The following PTPRB variants were observed in gnomAD, a reference collection of about 807,000 sequenced individuals.
The protein encoded by PTPRB is receptor-type tyrosine-protein phosphatase beta.
A neutral mutation model predicts 238.1 loss-of-function variants in PTPRB; 97 were observed. That is an observed-to-expected ratio of 0.41 (90% confidence interval 0.35 to 0.48). PTPRB has a LOEUF of 0.48. Among genes scored for constraint, PTPRB ranks in the 20% least tolerant of loss-of-function variants. PTPRB has a pLI of 0.30. For missense variants in PTPRB, 2,292 were observed against 2,681.9 expected (o/e 0.85, Z 3.21); for synonymous variants, 970 against 995.4 (o/e 0.97, Z 0.48).
intron 20 of PTPRB, among the ~76,000 whole-genome samples, chr12:70,553,633 C>T (rs1877231753): frequency 6.6e-6 from 1 of 152,174 alleles, no homozygotes; most frequent in African/African-American, 2.4e-5. Context: ...TTTGGCACTG[C>T]AAACCAGTTT....
intron 31 of PTPRB, among the ~76,000 whole-genome samples, 153 bp from the exon 32 acceptor site, chr12:70,532,323 C>T (rs1873387875): frequency 7.0e-6 from 1 of 142,520 alleles, no homozygotes; most frequent in Non-Finnish European, 1.5e-5. Context: ...AACCTAGAGT[C>T]CCCCAACCCC....
chr12:70,613,403 C>A (rs1446814689), intron 3 of PTPRB, among the ~76,000 whole-genome samples: 1 of 152,042 alleles, frequency 6.6e-6, no homozygotes, highest in Non-Finnish European at 1.5e-5. Context: ...TTTGGAGGCT[C>A]TGCTCCCCAT....
chr12:70,584,650 T>C (rs552824024), intron 9 of PTPRB, among the ~76,000 whole-genome samples: 7 of 152,244 alleles, frequency 4.6e-5, no homozygotes, highest in Admixed American at 1.3e-4. Flanking sequence ...GGAAAATATC[T>C]TTCAAGACCG....
In PTPRB at chr12:70,590,175, T is replaced by C. The variant is rs781275614; in HGVS notation, c.1839A>G (p.Val613=). The change falls in exon 8 of 34, where the codon GTA becomes GTG. Residue 613 remains valine, a synonymous_variant. Transcript: ENST00000334414. ...CTCCAGCAGGGGGCGACCAGCTCAC[T>C]ACAAGAGACCTCATCCTGCCATTAT... ...ANNNGRMRSL[V]VSWSPPAGDW... 2 of 1,608,044 alleles carry C rather than the reference T, an allele frequency of 1.2e-6. No homozygotes were observed. The highest frequency in any genetic ancestry group is 2.7e-5 in the African/African-American group (2 of 74,776).
intron 27 of PTPRB, 90 bp downstream of exon 27, chr12:70,538,829 CTATAT>C (rs1485186522): frequency 2.1e-6 from 2 of 968,588 alleles, no homozygotes; most frequent in East Asian, 2.6e-5. Flanking sequence ...CCATATCGAG[CTATAT>C]TATATTTCTT....
At chr12:70,597,942 C>T (rs993938313) in intron 4 of PTPRB, among the ~76,000 whole-genome samples, 2 of 152,130 alleles carry the variant, frequency 1.3e-5, no homozygotes, top group Non-Finnish European at 2.9e-5. Context: ...ATGCTAAGTA[C>T]ATCATATTGC....
chr12:70,545,594 CAG>C (rs1285263671), intron 21 of PTPRB, among the ~76,000 whole-genome samples: 8 of 152,064 alleles, frequency 5.3e-5, no homozygotes, highest in Non-Finnish European at 7.3e-5. Flanking sequence ...ATGGAGGAAA[CAG>C]TGTGTGTGGG....
rs567855836 is a variant in PTPRB, at chr12:70,520,470, T to G, written c.*1019A>C. 2.5e-5 allele frequency: 5 copies of G among 196,450 alleles called. No homozygotes were observed. In the East Asian group the frequency reaches 6.5e-4, roughly 26 times the overall value. 12.2% of individuals were successfully genotyped at this position (196,450 alleles called of 1,614,324 possible). A position where few individuals can be genotyped will look rare whatever the true frequency, so the allele number is the denominator to read the frequency against. On this transcript the variant is annotated 3_prime_UTR_variant, in exon 34 of 34. Transcript: ENST00000334414. Reference sequence around the variant, plus strand: ...TATATGATGTTTGTAGTCATTTCTATGAAAATGTTGGCATTAAGCCTTTTA... The same window carrying G: ...TATATGATGTTTGTAGTCATTTCTAGGAAAATGTTGGCATTAAGCCTTTTA...
chr12:70,592,472 T>C lies in PTPRB; in HGVS notation c.1590A>G (p.Arg530=). The change falls in exon 7 of 34, where the codon AGA becomes AGG. Residue 530 remains arginine (R), a synonymous_variant. Transcript: ENST00000334414. The part of the protein sequence containing the change: ...SLTSLKVKWQ[R]PPGNVDSYNI... ...TGTAAGAATCCACATTTCCAGGAGG[T>C]CTTTGCCATTTGACTTTTAGAGAGG... 3 of 1,613,802 alleles carry C rather than the reference T, an allele frequency of 1.9e-6. No homozygotes were observed. The highest frequency in any genetic ancestry group is 2.5e-6 in the Non-Finnish European group (3 of 1,179,800).
chr12:70,584,808 G>A (rs1489122486), intron 9 of PTPRB, among the ~76,000 whole-genome samples: 1 of 151,978 alleles, frequency 6.6e-6, no homozygotes, highest in Non-Finnish European at 1.5e-5. Context: ...CATCTCAGAT[G>A]CAGGGGGAAA....
intron 4 of PTPRB, 50 bp downstream of exon 4, chr12:70,609,019 G>C (rs1327596929): frequency 6.3e-7 from 1 of 1,585,062 alleles, no homozygotes; most frequent in African/African-American, 1.4e-5. Flanking sequence ...GAAAAGGCAG[G>C]GCCCAACCCC....
chr12:70,550,309 A>G (rs1243332383), intron 21 of PTPRB, among the ~76,000 whole-genome samples: 1 of 152,240 alleles, frequency 6.6e-6, no homozygotes, highest in African/African-American at 2.4e-5. Context: ...ACCATGTCAC[A>G]TTCAGGAACT....
chr12:70,538,266 G>A, intron 27 of PTPRB, 35 bp from the exon 28 acceptor site: 1 of 1,576,370 alleles, frequency 6.3e-7, no homozygotes, highest in Non-Finnish European at 8.7e-7. Context: ...GTCTTGGAGT[G>A]ACTTTTCTAC....
chr12:70,562,148 G>T (rs1051942113), intron 16 of PTPRB, among the ~76,000 whole-genome samples: 25 of 152,084 alleles, frequency 1.6e-4, no homozygotes, highest in Admixed American at 2.0e-4. Context: ...GCCATGCATG[G>T]TGTCGTGTGC....
intron 4 of PTPRB, among the ~76,000 whole-genome samples, chr12:70,603,285 C>T (rs1022336716): frequency 6.6e-6 from 1 of 152,064 alleles, no homozygotes; most frequent in African/African-American, 2.4e-5. Context: ...GAAGTCATCA[C>T]CAAAAGTTCA....
chr12:70,540,812 T>G (rs540505096), intron 23 of PTPRB, 46 bp downstream of exon 23: 2 of 1,408,150 alleles, frequency 1.4e-6, no homozygotes, highest in Non-Finnish European at 2.0e-6. Context: ...TTCAGTTGCA[T>G]TTTTAAAGTT....
At chr12:70,539,489 A>G (rs1874705669) in intron 26 of PTPRB, 136 bp downstream of exon 26, 1 of 696,398 alleles carries the variant, frequency 1.4e-6, no homozygotes, top group African/African-American at 1.8e-5. Flanking sequence ...TTTAGGCATA[A>G]AAGAGTGCTC....
chr12:70,533,594 G>A (rs138430893), intron 31 of PTPRB, among the ~76,000 whole-genome samples: 195 of 152,338 alleles, frequency 1.3e-3, no homozygotes, highest in African/African-American at 4.1e-3. Context: ...CAATTGCTGT[G>A]CTGTGGTTTG....
At chr12:70,612,234 T>C (rs751366118) in intron 3 of PTPRB, among the ~76,000 whole-genome samples, 2 of 152,232 alleles carry the variant, frequency 1.3e-5, no homozygotes, top group Non-Finnish European at 2.9e-5. Context: ...ATGAGCATAC[T>C]ATGAAACAAG....
Sources: gnomAD v4.1 joint callset for allele counts (sites outside exome capture counted in the v4.1 genomes callset) on GRCh38, gnomAD v4.1.1 for gene constraint, MANE v1.5 for transcripts, NCBI Gene and HGNC (gene_info 2026-07-23, HGNC 2026-07-21) for gene names.